The following SLC4A1AP variants were observed in gnomAD, a reference collection of about 807,000 sequenced individuals.
SLC4A1AP encodes the protein kanadaptin.
A neutral mutation model predicts 89.7 loss-of-function variants in SLC4A1AP; 64 were observed. The ratio of observed to expected loss-of-function variants is 0.71; its 90% CI spans 0.58 to 0.88. SLC4A1AP has a LOEUF of 0.88. Among genes scored for constraint, SLC4A1AP ranks in the 40% least tolerant of loss-of-function variants. SLC4A1AP has a pLI of 0.00. For missense variants in SLC4A1AP, 931 were observed against 965.0 expected, an observed-to-expected ratio of 0.96 and a Z score of 0.47; for synonymous variants, 366 against 353.3, an observed-to-expected ratio of 1.04 and a Z score of -0.40.
chr2:27,680,854 C>A (rs1352785247), intron 8 of SLC4A1AP, among the ~76,000 whole-genome samples: 4 of 147,532 alleles, frequency 2.7e-5, no homozygotes, highest in South Asian at 4.3e-4. Context: ...AAAAAAAAAA[C>A]GAAAACGAAA....
chr2:27,684,966 C>G, intron 9 of SLC4A1AP, 71 bp from the exon 10 acceptor site: 1 of 1,504,088 alleles, frequency 6.6e-7, no homozygotes, highest in Non-Finnish European at 8.9e-7. Flanking sequence ...TTAGACTGAC[C>G]TCCTTGAAAA....
intron 5 of SLC4A1AP, among the ~76,000 whole-genome samples, chr2:27,671,359 A>G (rs1675425698): frequency 6.6e-6 from 1 of 152,178 alleles, no homozygotes; most frequent in South Asian, 2.1e-4. Flanking sequence ...GTTATAACTG[A>G]GCAGTTTTAT....
intron 9 of SLC4A1AP, among the ~76,000 whole-genome samples, chr2:27,684,483 C>A (rs1481375995): frequency 2.0e-5 from 3 of 150,534 alleles, no homozygotes; most frequent in African/African-American, 2.4e-5. Context: ...TCCCTCTATT[C>A]CATAACTGTG....
At chr2:27,675,215 T>C (rs887645579) in intron 5 of SLC4A1AP, among the ~76,000 whole-genome samples, 10 of 152,200 alleles carry the variant, frequency 6.6e-5, no homozygotes, top group Admixed American at 2.0e-4. Flanking sequence ...ATACTGAAAT[T>C]GGTATCTGTT....
intron 9 of SLC4A1AP, among the ~76,000 whole-genome samples, chr2:27,683,892 C>T (rs1324542090): frequency 2.6e-5 from 4 of 151,978 alleles, no homozygotes; most frequent in South Asian, 2.1e-4. Flanking sequence ...CCCACCACCA[C>T]GCCCAACTAA....
intron 8 of SLC4A1AP, among the ~76,000 whole-genome samples, chr2:27,678,128 GA>G (rs1268138426): frequency 6.6e-6 from 1 of 152,138 alleles, no homozygotes; most frequent in Non-Finnish European, 1.5e-5. Context: ...AGGATTTTCT[GA>G]GAAAACTATA....
chr2:27,665,230 A>C, exon 2 of SLC4A1AP: 1 of 1,613,746 alleles, frequency 6.2e-7, no homozygotes, highest in Non-Finnish European at 8.5e-7. Context: ...GAGGAAATGG[A>C]TACCTCTGAA....
At chr2:27,688,001 A>G in exon 11 of SLC4A1AP, 1 of 1,613,902 alleles carries the variant, frequency 6.2e-7, no homozygotes, top group Non-Finnish European at 8.5e-7. Flanking sequence ...AAACCACTTC[A>G]TTGTGCGCAG....
At chr2:27,686,641 G>A (rs1675708577) in intron 10 of SLC4A1AP, among the ~76,000 whole-genome samples, 1 of 152,132 alleles carries the variant, frequency 6.6e-6, no homozygotes. Flanking sequence ...GATGGTGCAT[G>A]CTTGTAATCA....
chr2:27,694,502 A>C (rs1345522309), intron 13 of SLC4A1AP, 132 bp from the exon 14 acceptor site: 4 of 531,576 alleles, frequency 7.5e-6, no homozygotes, highest in Non-Finnish European at 1.2e-5. Flanking sequence ...TTTCATACAA[A>C]AAGTAAAATT....
chr2:27,693,777 T>C, intron 13 of SLC4A1AP, 23 bp downstream of exon 13: 2 of 1,563,404 alleles, frequency 1.3e-6, no homozygotes, highest in Non-Finnish European at 8.7e-7. Context: ...TACTTTTTTT[T>C]CCTCTAAGGT....
chr2:27,682,078 C>T (rs1010285509), intron 8 of SLC4A1AP, among the ~76,000 whole-genome samples, 170 bp from the exon 9 acceptor site: 1 of 152,180 alleles, frequency 6.6e-6, no homozygotes, highest in Admixed American at 6.5e-5. Flanking sequence ...TGTTCTTGTC[C>T]ATTCAAAATC....
chr2:27,667,122 G>A (rs751256027), intron 2 of SLC4A1AP, 146 bp from the exon 3 acceptor site: 7 of 717,582 alleles, frequency 9.8e-6, no homozygotes, highest in Non-Finnish European at 1.3e-5. Context: ...ACCTGCCTTG[G>A]CCTCCCAAAG....
intron 10 of SLC4A1AP, among the ~76,000 whole-genome samples, chr2:27,686,011 C>T (rs1342367594): frequency 6.6e-6 from 1 of 152,184 alleles, no homozygotes; most frequent in Admixed American, 6.5e-5. Context: ...ATCCTTTCAT[C>T]CCTTGTCAAC....
rs184646558 is a variant in SLC4A1AP at position 27,677,464 on chromosome 2, G to A, written c.1576+100G>A. On this transcript the variant is annotated intron_variant, in intron 7 of 13. Coordinates refer to ENST00000613058, the Ensembl canonical transcript of SLC4A1AP. ...AATAAGAAATACCATACAGAATATG[G>A]AGCCTTTTAAAGGAGCAACATACCG... The A allele has an allele frequency of 3.7e-5, 31 of 834,328 alleles. No homozygotes were observed. In the East Asian group the frequency reaches 7.7e-4, roughly 21 times the overall value. The allele number at this position is 834,328 out of a possible 1,614,324, so 51.7% of individuals were successfully genotyped here.
chr2:27,672,898 C>T (rs1675449062), intron 5 of SLC4A1AP, among the ~76,000 whole-genome samples: 1 of 152,198 alleles, frequency 6.6e-6, no homozygotes, highest in Non-Finnish European at 1.5e-5. Flanking sequence ...ATTCCTAGAG[C>T]TAAGTGGTAG....
At chr2:27,670,652 C>G (rs181401356) in intron 5 of SLC4A1AP, among the ~76,000 whole-genome samples, 1 of 151,198 alleles carries the variant, frequency 6.6e-6, no homozygotes. Flanking sequence ...GTCAGGAGAT[C>G]GAGACCATCC....
intron 8 of SLC4A1AP, among the ~76,000 whole-genome samples, chr2:27,680,519 C>T (rs1042805821): frequency 1.3e-5 from 2 of 152,026 alleles, no homozygotes; most frequent in South Asian, 2.1e-4. Context: ...GGGACGGTGG[C>T]TCACACCTGT....
chr2:27,666,576 T>G (rs1051720758), intron 2 of SLC4A1AP, among the ~76,000 whole-genome samples: 2 of 152,032 alleles, frequency 1.3e-5, no homozygotes, highest in African/African-American at 2.4e-5. Flanking sequence ...TTGGCAGATA[T>G]AAGAAGTATT....
Sources: allele counts gnomAD v4.1 joint callset (sites outside exome capture counted in the v4.1 genomes callset), GRCh38; gene constraint gnomAD v4.1.1; transcripts MANE v1.5; gene names NCBI Gene and HGNC (gene_info 2026-07-23, HGNC 2026-07-21).